The following GABBR2 variants were observed in gnomAD, a reference collection of about 807,000 sequenced individuals.
GABBR2 encodes G-protein coupled receptor 51.
GABBR2 carries 23 observed loss-of-function variants against 105.6 expected under a neutral mutation model. The ratio of observed to expected loss-of-function variants is 0.22; its 90% CI spans 0.16 to 0.31. GABBR2 has a LOEUF of 0.31. Ranked by LOEUF, GABBR2 falls within the 10% of genes least tolerant of loss-of-function variation. The pLI is 1.00. For missense variants in GABBR2, 734 were observed against 1,245.5 expected, an observed-to-expected ratio of 0.59 and a Z score of 6.18; for synonymous variants, 478 against 499.7, an observed-to-expected ratio of 0.96 and a Z score of 0.58.
At chr9:98,590,747 C>T (rs144375961) in intron 1 of GABBR2, among the ~76,000 whole-genome samples, 121 of 152,312 alleles carry the variant, frequency 7.9e-4, no homozygotes, top group African/African-American at 2.8e-3. Flanking sequence ...TTGTGGGGCA[C>T]ATTGGTTCAA....
At chr9:98,641,250 CA>C (rs1829958378) in intron 1 of GABBR2, among the ~76,000 whole-genome samples, 1 of 151,536 alleles carries the variant, frequency 6.6e-6, no homozygotes, top group Admixed American at 6.6e-5. Context: ...TCTCCTGCCT[CA>C]GCATCCCTAG....
chr9:98,505,148 T>C (rs968111574), intron 3 of GABBR2, among the ~76,000 whole-genome samples: 1 of 152,234 alleles, frequency 6.6e-6, no homozygotes, highest in African/African-American at 2.4e-5. Context: ...TTTCAAAGAA[T>C]TGGGGCATAT....
chr9:98,429,367 C>T (rs1392090028), intron 7 of GABBR2, among the ~76,000 whole-genome samples: 1 of 152,114 alleles, frequency 6.6e-6, no homozygotes, highest in African/African-American at 2.4e-5. Context: ...TCTTGGACTC[C>T]TGACCTCAAG....
intron 12 of GABBR2, among the ~76,000 whole-genome samples, chr9:98,366,266 G>A (rs1831674425): frequency 1.3e-5 from 2 of 152,166 alleles, no homozygotes; most frequent in Non-Finnish European, 2.9e-5. Context: ...GCAGGGATTA[G>A]CAAACTACTG....
intron 7 of GABBR2, among the ~76,000 whole-genome samples, chr9:98,419,773 G>A (rs1199170961): frequency 3.3e-5 from 5 of 152,176 alleles, no homozygotes; most frequent in African/African-American, 4.8e-5. Context: ...TTGTATGGGT[G>A]TAGAAATAGA....
At chr9:98,510,479 T>C (rs1207380144) in intron 3 of GABBR2, among the ~76,000 whole-genome samples, 3 of 151,760 alleles carry the variant, frequency 2.0e-5, no homozygotes, top group East Asian at 1.9e-4. Context: ...GACTGGCAAA[T>C]TGGATAAAGA....
At chr9:98,613,840 A>C (rs1829542989) in intron 1 of GABBR2, among the ~76,000 whole-genome samples, 1 of 152,264 alleles carries the variant, frequency 6.6e-6, no homozygotes, top group Non-Finnish European at 1.5e-5. Flanking sequence ...AAGGGAACTC[A>C]GAAGAAGGAA....
At chr9:98,340,183 G>GTT (rs796454954) in intron 13 of GABBR2, among the ~76,000 whole-genome samples, 5 of 57,822 alleles carry the variant, frequency 8.6e-5, no homozygotes, top group East Asian at 2.6e-3. Flanking sequence ...CCAGTGAGGG[G>GTT]TTTTTTTTTT....
chr9:98,667,254 TC>T (rs1236702924), intron 1 of GABBR2, among the ~76,000 whole-genome samples: 1 of 152,102 alleles, frequency 6.6e-6, no homozygotes, highest in Admixed American at 6.5e-5. Context: ...CTTGTAAGCT[TC>T]CTAGGAAAAC....
intron 2 of GABBR2, among the ~76,000 whole-genome samples, chr9:98,573,744 G>A (rs779818192): frequency 4.6e-5 from 7 of 152,142 alleles, no homozygotes; most frequent in Non-Finnish European, 1.0e-4. Context: ...CTCAACCTTC[G>A]TTTCACTGTT....
Position 98,388,961 on chromosome 9 carries a change from C to T in GABBR2, c.1422G>A (p.Leu474=), listed in dbSNP as rs1832129700. The change falls in exon 10 of 19, where the codon CTG becomes CTA. Residue 474 remains leucine, a synonymous_variant. Coordinates refer to ENST00000259455, the MANE Select transcript of GABBR2 (RefSeq NM_005458.8). This position sits in a 1 kb window ranked among gnomAD's most constrained non-coding sequence, Gnocchi z 4.4. ...PKDKTIILEQ[L]RKISLPLYSI... ...TGTAGAGAGGTAGGGAGATCTTCCG[C>T]AGCTGCTCCAGGATGATGGTCTTGT... The T allele has an allele frequency of 1.2e-6, 2 of 1,613,732 alleles. No individual in the cohort carries two copies. The highest frequency in any genetic ancestry group is 1.7e-6 in the Non-Finnish European group (2 of 1,179,782).
At position 98,393,354 on chromosome 9, in the gene GABBR2, T is replaced by A. The variant is rs113027386; in HGVS notation, c.1378+821A>T. On this transcript the variant is annotated intron_variant, in intron 9 of 18. Coordinates refer to ENST00000259455, the MANE Select transcript of GABBR2 (RefSeq NM_005458.8). The stretch of plus-strand genomic sequence containing the variant: ...AGGCATCCACCCAACCATCCATCCA[T>A]CCATCCATCCATCCACACACCCACT... Among the ~76,000 whole-genome samples, 9 of 148,696 alleles carry A rather than the reference T, an allele frequency of 6.1e-5. 1 individual carries two copies. Among genetic ancestry groups the A allele is most frequent in the African/African-American group, 9.9e-5 (4 of 40,284 alleles).
intron 1 of GABBR2, among the ~76,000 whole-genome samples, chr9:98,672,765 T>C (rs1187179846): frequency 1.3e-5 from 2 of 152,222 alleles, no homozygotes; most frequent in Non-Finnish European, 1.5e-5. Context: ...AGTTTATCTT[T>C]AAAGTCTGTC....
At chr9:98,686,610 G>A (rs551869913) in intron 1 of GABBR2, among the ~76,000 whole-genome samples, 94 of 152,176 alleles carry the variant, frequency 6.2e-4, no homozygotes, top group African/African-American at 2.2e-3. Flanking sequence ...TGGCCATGCT[G>A]GTCTCAAACT....
At chr9:98,549,831 C>A (rs1828456187) in intron 2 of GABBR2, among the ~76,000 whole-genome samples, 1 of 152,194 alleles carries the variant, frequency 6.6e-6, no homozygotes, top group Non-Finnish European at 1.5e-5. Flanking sequence ...CAGGAAGTGA[C>A]CTGAGTGCTT....
intron 13 of GABBR2, among the ~76,000 whole-genome samples, chr9:98,314,483 C>G (rs1161241658): frequency 5.9e-5 from 9 of 152,260 alleles, no homozygotes; most frequent in Middle Eastern, 6.8e-3. Context: ...ATCTTAGATT[C>G]TCGGTGTGGA....
chr9:98,581,527 G>A (rs1009136453), intron 1 of GABBR2, among the ~76,000 whole-genome samples: 4 of 134,618 alleles, frequency 3.0e-5, no homozygotes, highest in African/African-American at 1.1e-4. Context: ...GGGAGACAGG[G>A]AGGGAGGGAG....
At chr9:98,683,169 C>G (rs892025593) in intron 1 of GABBR2, among the ~76,000 whole-genome samples, 1 of 152,178 alleles carries the variant, frequency 6.6e-6, no homozygotes, top group Admixed American at 6.5e-5. Context: ...TCTCAGCTCA[C>G]TGAAACCTCC....
intron 1 of GABBR2, among the ~76,000 whole-genome samples, chr9:98,579,734 G>T (rs190663363): frequency 6.6e-6 from 1 of 152,008 alleles, no homozygotes; most frequent in Non-Finnish European, 1.5e-5. Flanking sequence ...TTAAGGAACC[G>T]GGACTGAAAA....
Sources: allele counts gnomAD v4.1 joint callset (sites outside exome capture counted in the v4.1 genomes callset), GRCh38; gene constraint gnomAD v4.1.1; non-coding constraint Gnocchi (gnomAD v3.1); transcripts MANE v1.5; gene names NCBI Gene and HGNC (gene_info 2026-07-23, HGNC 2026-07-21).